DLC1: variants seen among roughly 807,000 people sequenced by gnomAD.
DLC1 encodes DLC1 Rho GTPase activating protein, also known as rho GTPase-activating protein 7.
DLC1 carries 54 observed loss-of-function variants against 140.3 expected under a neutral mutation model. That is an observed-to-expected ratio of 0.38 (90% CI 0.31 to 0.48). The LOEUF (loss-of-function observed/expected upper bound fraction) is 0.48, where lower values mean the gene tolerates loss of function less well. Ranked by LOEUF, DLC1 falls within the 20% of genes least tolerant of loss-of-function variation. The pLI is 0.96. For missense variants in DLC1, 2,536 were observed against 1,907.0 expected (o/e 1.33, Z -6.14); for synonymous variants, 986 against 728.1 (o/e 1.35, Z -5.70).
intron 4 of DLC1, among the ~76,000 whole-genome samples, chr8:13,364,516 C>T (rs1263928598): frequency 6.6e-6 from 1 of 152,094 alleles, no homozygotes; most frequent in African/African-American, 2.4e-5. Context: ...AGGCTGGTCT[C>T]GAACTCCCAA....
intron 5 of DLC1, among the ~76,000 whole-genome samples, chr8:13,205,668 G>C (rs543590129): frequency 6.6e-6 from 1 of 152,172 alleles, no homozygotes; most frequent in African/African-American, 2.4e-5. Flanking sequence ...ACAAATTTAT[G>C]TTGGGCTGCA....
intron 2 of DLC1, among the ~76,000 whole-genome samples, chr8:13,410,281 A>G (rs1005217506): frequency 6.6e-6 from 1 of 152,168 alleles, no homozygotes; most frequent in Non-Finnish European, 1.5e-5. Flanking sequence ...CATTGAGGAT[A>G]ATGAGGAAAC....
intron 2 of DLC1, chr8:13,498,810 C>T (rs1247825278): frequency 9.7e-6 from 4 of 410,336 alleles, no homozygotes; most frequent in East Asian, 7.9e-5. Flanking sequence ...CAACACAATT[C>T]TGAAATAGAA....
chr8:13,321,962 A>G (rs1439829978), intron 4 of DLC1, among the ~76,000 whole-genome samples: 2 of 152,182 alleles, frequency 1.3e-5, no homozygotes, highest in Non-Finnish European at 2.9e-5. Flanking sequence ...AAATTCCATT[A>G]ACAAATGCTG....
At chr8:13,500,850 A>T (rs1010706568) in intron 1 of DLC1, among the ~76,000 whole-genome samples, 1 of 152,206 alleles carries the variant, frequency 6.6e-6, no homozygotes, top group East Asian at 1.9e-4. Context: ...ACATCTGTAC[A>T]TGCATCCTAC....
chr8:13,106,927 T>C (rs572873792), intron 7 of DLC1, among the ~76,000 whole-genome samples: 129 of 152,352 alleles, frequency 8.5e-4, no homozygotes, highest in Non-Finnish European at 1.4e-3. Context: ...ACAAGAGGTA[T>C]CCTCGTAGTG....
chr8:13,350,143 T>C (rs1338431670), intron 4 of DLC1, among the ~76,000 whole-genome samples: 1 of 152,166 alleles, frequency 6.6e-6, no homozygotes, highest in Non-Finnish European at 1.5e-5. Context: ...CTGAAGTGCT[T>C]AGAGGACAAA....
At chr8:13,266,233 T>C (rs1433692677) in intron 5 of DLC1, among the ~76,000 whole-genome samples, 1 of 152,256 alleles carries the variant, frequency 6.6e-6, no homozygotes, top group African/African-American at 2.4e-5. Flanking sequence ...TTTCCAGTGT[T>C]AGTGCCATGA....
chr8:13,345,250 A>C, intron 4 of DLC1, among the ~76,000 whole-genome samples: 1 of 152,184 alleles, frequency 6.6e-6, no homozygotes, highest in Non-Finnish European at 1.5e-5. Flanking sequence ...CTCCTTCCCC[A>C]ACTGTCATGT....
intron 5 of DLC1, among the ~76,000 whole-genome samples, chr8:13,242,993 G>C (rs776732851): frequency 6.6e-5 from 10 of 151,952 alleles, no homozygotes; most frequent in Admixed American, 5.2e-4. Context: ...TGTTGTTCTC[G>C]TGATGGTGAG....
intron 2 of DLC1, among the ~76,000 whole-genome samples, chr8:13,495,078 T>A (rs1387722153): frequency 1.3e-5 from 2 of 152,244 alleles, no homozygotes; most frequent in African/African-American, 2.4e-5. Context: ...GTTCAGATTA[T>A]CTTTGCATCT....
At chr8:13,319,330 G>A (rs979199739) in intron 4 of DLC1, among the ~76,000 whole-genome samples, 1 of 152,108 alleles carries the variant, frequency 6.6e-6, no homozygotes, top group African/African-American at 2.4e-5. Flanking sequence ...GGCAAAGAAC[G>A]CTTGCAAACA....
chr8:13,477,218 A>T (rs549351427), intron 2 of DLC1, among the ~76,000 whole-genome samples: 91 of 152,322 alleles, frequency 6.0e-4, no homozygotes, highest in African/African-American at 2.1e-3. Context: ...ATGAAAAAAA[A>T]AATACTAATC....
intron 5 of DLC1, among the ~76,000 whole-genome samples, chr8:13,239,149 A>T (rs17188754): frequency 0.015 from 2,357 of 152,318 alleles, 29 homozygotes; most frequent in South Asian, 0.047. Context: ...CCAGTCTACG[A>T]AGAACAACTG....
chr8:13,347,590 T>C (rs1752015570), intron 4 of DLC1, among the ~76,000 whole-genome samples: 1 of 152,162 alleles, frequency 6.6e-6, no homozygotes. Context: ...TAGAGGATAG[T>C]CCTAGGCACC....
At chr8:13,555,238 C>A (rs1236149701) in intron 1 of DLC1, among the ~76,000 whole-genome samples, 1 of 152,180 alleles carries the variant, frequency 6.6e-6, no homozygotes, top group African/African-American at 2.4e-5. Context: ...ATATCACATA[C>A]CATCTTCTAG....
chr8:13,132,631 A>C (rs377201784), intron 5 of DLC1, among the ~76,000 whole-genome samples: 1 of 152,098 alleles, frequency 6.6e-6, no homozygotes, highest in African/African-American at 2.4e-5. Flanking sequence ...CGCCCGGCTC[A>C]AGGAGGAAAG....
intron 5 of DLC1, among the ~76,000 whole-genome samples, chr8:13,124,049 A>G (rs1821348402): frequency 6.6e-6 from 1 of 152,216 alleles, no homozygotes; most frequent in Admixed American, 6.5e-5. Context: ...AACCTACAAT[A>G]AGTGATACAG....
intron 5 of DLC1, among the ~76,000 whole-genome samples, chr8:13,283,328 A>AGG (rs1041510709): frequency 2.0e-5 from 3 of 151,998 alleles, no homozygotes; most frequent in Non-Finnish European, 4.4e-5. Context: ...ACACACACAG[A>AGG]AAAGAAATCA....
Sources: allele counts gnomAD v4.1 joint callset (sites outside exome capture counted in the v4.1 genomes callset), GRCh38; gene constraint gnomAD v4.1.1; transcripts MANE v1.5; gene names NCBI Gene and HGNC (gene_info 2026-07-23, HGNC 2026-07-21).